CYLC2: variants seen among roughly 807,000 people sequenced by gnomAD.
CYLC2 encodes the protein cylicin-2.
Under a neutral mutation model 26.1 loss-of-function variants are expected in CYLC2, and 30 were observed. The ratio of observed to expected loss-of-function variants is 1.15; its 90% CI spans 0.86 to 1.56. The LOEUF is 1.56. CYLC2 is among the 40% of genes most tolerant of loss of function. The pLI, the probability that CYLC2 is intolerant of heterozygous loss-of-function variation, is 0.00. For synonymous variants in CYLC2, 158 were observed against 132.8 expected (o/e 1.19, Z -1.31); for missense variants, 498 against 394.4 (o/e 1.26, Z -2.23).
rs553338382 is a variant in CYLC2 at position 103,014,128 on chromosome 9, T to C, written c.*816+2031T>C. Among the ~76,000 whole-genome samples, 621 of 121,060 alleles carry C rather than the reference T, an allele frequency of 5.1e-3. 6 individuals carry two copies. The highest frequency in any genetic ancestry group is 0.019 in the African/African-American group (587 of 30,346). The allele number at this position is 121,060 out of a possible 152,430, so 79.4% of individuals were successfully genotyped here. On this transcript the variant is annotated intron_variant, in intron 6 of 7. Coordinates refer to ENST00000374798, the MANE Select transcript of CYLC2 (RefSeq NM_001340.5). The stretch of plus-strand genomic sequence containing the variant: ...TATAATAAATATATTTTATATTATA[T>C]TATAATATATTAAATATATTATTTA...
At chr9:103,003,301 G>A (rs1829307658) in intron 3 of CYLC2, 38 bp downstream of exon 3, 1 of 1,528,830 alleles carries the variant, frequency 6.5e-7, no homozygotes, top group South Asian at 1.2e-5. Context: ...TCAGTAATAA[G>A]TAATAACTTA....
Position 103,001,603 on chromosome 9 carries a change from G to T in CYLC2, c.43G>T (p.Asp15Tyr), listed in dbSNP as rs762691967. ...CCAAAGAGTAAACTTTGGGCCATAT[G>T]ATAATTACATTCCAGGTAAGAAAGC... Reference protein sequence around the residue: ...RFQRVNFGPYDNYIPVSELSK... With the variant: ...RFQRVNFGPYYNYIPVSELSK... The change falls in exon 2 of 8, where the codon GAT (aspartate) becomes TAT (tyrosine). Residue 15 changes from aspartate to tyrosine, a missense_variant. Asp to Tyr is a radical substitution (Grantham distance 160, BLOSUM62 -3). Transcript: ENST00000374798. 1 of 1,559,532 alleles carries T rather than the reference G, an allele frequency of 6.4e-7. No individual in the cohort carries two copies. The highest frequency in any genetic ancestry group is 8.8e-7 in the Non-Finnish European group (1 of 1,135,946).
intron 5 of CYLC2, among the ~76,000 whole-genome samples, chr9:103,011,546 A>G (rs921726648): frequency 1.3e-5 from 2 of 152,064 alleles, no homozygotes; most frequent in African/African-American, 4.8e-5. Flanking sequence ...GTCCAAGTGA[A>G]GCTAACCGAT....
At chr9:103,010,420 C>T (rs533230578) in intron 5 of CYLC2, among the ~76,000 whole-genome samples, 5 of 152,054 alleles carry the variant, frequency 3.3e-5, no homozygotes, top group Non-Finnish European at 4.4e-5. Flanking sequence ...CTCGTATTAT[C>T]ACTTAATCCT....
chr9:103,015,078 A>G (rs1350756297), intron 6 of CYLC2, among the ~76,000 whole-genome samples: 3 of 114,088 alleles, frequency 2.6e-5, no homozygotes, highest in African/African-American at 6.5e-5. Context: ...TAATACATGT[A>G]ATATACATAA....
At chr9:103,006,710 G>A (rs1314641166) in intron 5 of CYLC2, among the ~76,000 whole-genome samples, 2 of 151,934 alleles carry the variant, frequency 1.3e-5, no homozygotes, top group Non-Finnish European at 2.9e-5. Flanking sequence ...CACCGCGCCC[G>A]GCCAGTTTTG....
chr9:103,016,822 T>C (rs996932616), intron 6 of CYLC2, 66 bp from the exon 7 acceptor site: 2 of 151,972 alleles, frequency 1.3e-5, no homozygotes, highest in African/African-American at 4.8e-5. Flanking sequence ...GCATAGCACA[T>C]ATGGAAGTTT....
chr9:103,016,005 T>C (rs1041417995), intron 6 of CYLC2, among the ~76,000 whole-genome samples: 2 of 150,404 alleles, frequency 1.3e-5, no homozygotes, highest in African/African-American at 2.4e-5. Flanking sequence ...TGTATATGTA[T>C]CAATTATCTA....
At position 103,004,814 on chromosome 9, in the gene CYLC2, A is replaced by C. The variant is rs753500877; in HGVS notation, c.300A>C (p.Lys100Asn). Residue 100 changes from lysine to asparagine, a missense_variant, in exon 4 of 8, where the codon AAA becomes AAC. Physicochemically the swap from Lys to Asn is moderately conservative, Grantham distance 94. Coordinates refer to ENST00000374798, the MANE Select transcript of CYLC2 (RefSeq NM_001340.5). Reference sequence around the variant, plus strand: ...TAGCTGCCAGGAGGCAGCCTCTCAAACCAACTCGTACTGTCGAGGTGGATT... The same window carrying C: ...TAGCTGCCAGGAGGCAGCCTCTCAACCCAACTCGTACTGTCGAGGTGGATT... ...VYLAARRQPL[K>N]PTRTVEVDSK... 17 of 1,612,044 alleles carry C rather than the reference A, an allele frequency of 1.1e-5. No homozygotes were observed.
rs149671194 is a variant in CYLC2 at position 103,014,859 on chromosome 9, A to C, written c.*817-2029A>C. Among the ~76,000 whole-genome samples, 1,030 of 116,566 alleles carry C rather than the reference A, an allele frequency of 8.8e-3. 6 individuals are homozygous for C. Among genetic ancestry groups the C allele is most frequent in the South Asian group, 0.022 (66 of 3,046 alleles). 76.5% of individuals were successfully genotyped at this position (116,566 alleles called of 152,430 possible). ...TACGTATGTATATTATGCAATATAC[A>C]TAATATATGTAATATACTATGTATA... On this transcript the variant is annotated intron_variant, in intron 6 of 7. Coordinates refer to ENST00000374798, the MANE Select transcript of CYLC2 (RefSeq NM_001340.5).
chr9:103,014,623 A>C (rs1269384510), intron 6 of CYLC2, among the ~76,000 whole-genome samples: 1 of 143,120 alleles, frequency 7.0e-6, no homozygotes, highest in Non-Finnish European at 1.5e-5. Flanking sequence ...TATGTATATT[A>C]TGCAGTATAC....
chr9:102,997,615 T>C (rs1296052024), intron 1 of CYLC2, among the ~76,000 whole-genome samples: 1 of 152,064 alleles, frequency 6.6e-6, no homozygotes, highest in East Asian at 1.9e-4. Flanking sequence ...CTGATGCAGA[T>C]TCCAAAAATC....
Position 103,004,729 on chromosome 9 carries a change from G to C in CYLC2, c.215G>C (p.Arg72Thr). The C allele has an allele frequency of 1.2e-6, 2 of 1,602,814 alleles. No homozygotes were observed. Among genetic ancestry groups the C allele is most frequent in the South Asian group, 1.1e-5 (1 of 88,436 alleles). ...IDEEQLRGDR[R>T]QPLWMYRSLM... ...GAAGAACAATTAAGAGGAGATCGTA[G>C]ACAACCATTATGGATGTACCGTTCT... is the stretch of plus-strand genomic sequence containing the variant. Residue 72 changes from arginine to threonine, a missense_variant, in exon 4 of 8, where the codon AGA becomes ACA. Transcript: ENST00000374798.
In CYLC2 at chr9:103,004,743, A is replaced by G; in HGVS notation, c.229A>G (p.Met77Val). The change falls in exon 4 of 8, where the codon ATG becomes GTG. Residue 77 changes from methionine (M) to valine (V), a missense_variant. Coordinates refer to ENST00000374798, the MANE Select transcript of CYLC2 (RefSeq NM_001340.5). ...LRGDRRQPLW[M>V]YRSLMRISER... ...AGGAGATCGTAGACAACCATTATGG[A>G]TGTACCGTTCTTTAATGAGAATTTC... The G allele has an allele frequency of 6.2e-7, 1 of 1,606,858 alleles. No homozygotes were observed. Among genetic ancestry groups the G allele is most frequent in the Non-Finnish European group, 8.5e-7 (1 of 1,175,760 alleles).
chr9:103,015,672 A>T (rs2118278546), intron 6 of CYLC2, among the ~76,000 whole-genome samples: 1 of 148,648 alleles, frequency 6.7e-6, no homozygotes, highest in African/African-American at 2.4e-5. Context: ...TACCTTTCAG[A>T]GTAGCTCGTT....
intron 6 of CYLC2, among the ~76,000 whole-genome samples, 192 bp downstream of exon 6, chr9:103,012,289 C>T (rs1037457807): frequency 3.9e-5 from 6 of 151,960 alleles, no homozygotes; most frequent in Admixed American, 3.9e-4. Flanking sequence ...ATGAGGCAAA[C>T]ATACACAGCC....
chr9:103,005,289 G>C lies in CYLC2; in HGVS notation c.658G>C (p.Gly220Arg). 1.2e-6 allele frequency: 2 copies of C among 1,613,446 alleles called. No homozygotes were observed. The highest frequency in any genetic ancestry group is 1.1e-5 in the South Asian group (1 of 91,072). ...AGGTACAGAGAAAGATAGCAAAAAA[G>C]GTAAAAAGGATTCAAAGAAGGGCAA... ...KGGTEKDSKK[G>R]KKDSKKGKDS... The change falls in exon 5 of 8, where the codon GGT (glycine) becomes CGT (arginine). Residue 220 changes from glycine to arginine, a missense_variant. Coordinates refer to ENST00000374798, the MANE Select transcript of CYLC2 (RefSeq NM_001340.5).
chr9:103,016,817 G>A (rs1467716125), intron 6 of CYLC2, 71 bp from the exon 7 acceptor site: 1 of 151,938 alleles, frequency 6.6e-6, no homozygotes, highest in African/African-American at 2.4e-5. Context: ...CCAGTGCATA[G>A]CACATATGGA....
rs562362694 is a variant in CYLC2, at chr9:103,002,898, A to G, written c.59-244A>G. ...AAAACTGAGTCTTTCCATTTATATT[A>G]TAGTTATGCTAGTTTTGCAATGACT... On this transcript the variant is annotated intron_variant, in intron 2 of 7. Transcript: ENST00000374798. Among the ~76,000 whole-genome samples the G allele has an allele frequency of 6.6e-5, 10 of 152,290 alleles. 1 individual carries two copies. In the South Asian group the frequency reaches 2.1e-3, roughly 32 times the overall value.
Sources: allele counts gnomAD v4.1 joint callset (sites outside exome capture counted in the v4.1 genomes callset), GRCh38; gene constraint gnomAD v4.1.1; transcripts MANE v1.5; gene names NCBI Gene and HGNC (gene_info 2026-07-23, HGNC 2026-07-21).